Variants in ADGRL2 observed in about 807,000 individuals in gnomAD.
ADGRL2 encodes the protein calcium-independent alpha-latrotoxin receptor 2.
Under a neutral mutation model 157.4 loss-of-function variants are expected in ADGRL2, and 44 were observed. The ratio of observed to expected loss-of-function variants is 0.28; its 90% CI spans 0.22 to 0.36. ADGRL2 has a LOEUF of 0.36. Ranked by LOEUF, ADGRL2 falls within the 10% of genes least tolerant of loss-of-function variation. ADGRL2 has a pLI of 1.00. For synonymous variants in ADGRL2, 585 were observed against 624.7 expected, an observed-to-expected ratio of 0.94 and a Z score of 0.95; for missense variants, 1,510 against 1,768.9, an observed-to-expected ratio of 0.85 and a Z score of 2.63.
chr1:81,447,761 G>A (rs548206025), intron 2 of ADGRL2, among the ~76,000 whole-genome samples: 223 of 152,230 alleles, frequency 1.5e-3, no homozygotes, highest in African/African-American at 5.1e-3. Flanking sequence ...TTACATGTAT[G>A]CGTATGCCTC....
chr1:81,914,973 AAGAC>A (rs1295729333), intron 3 of ADGRL2, among the ~76,000 whole-genome samples: 5 of 152,240 alleles, frequency 3.3e-5, no homozygotes, highest in Non-Finnish European at 1.5e-5. Flanking sequence ...GTGTGCAAGA[AAGAC>A]TAATAAATTT....
intron 3 of ADGRL2, among the ~76,000 whole-genome samples, chr1:81,929,976 A>G (rs1198445730): frequency 6.6e-6 from 1 of 152,158 alleles, no homozygotes; most frequent in Non-Finnish European, 1.5e-5. Context: ...GGTTTAATAC[A>G]TTGCTTATGG....
At chr1:81,624,187 T>C (rs1461929271) in intron 3 of ADGRL2, among the ~76,000 whole-genome samples, 1 of 152,124 alleles carries the variant, frequency 6.6e-6, no homozygotes, top group African/African-American at 2.4e-5. Context: ...GAGAATACAT[T>C]TCTGTTGTTT....
intron 1 of ADGRL2, among the ~76,000 whole-genome samples, chr1:81,428,112 C>T (rs557165428): frequency 2.0e-5 from 3 of 152,128 alleles, no homozygotes; most frequent in African/African-American, 7.2e-5. Flanking sequence ...ATGAATTTTG[C>T]TAAAGTTAAC....
At chr1:81,834,115 A>G (rs1257865082) in intron 1 of ADGRL2, among the ~76,000 whole-genome samples, 1 of 152,134 alleles carries the variant, frequency 6.6e-6, no homozygotes, top group Non-Finnish European at 1.5e-5. Context: ...TTACTAAGAA[A>G]TGAACTATTA....
intron 1 of ADGRL2, among the ~76,000 whole-genome samples, chr1:81,366,337 T>C (rs2076066373): frequency 6.6e-6 from 1 of 152,070 alleles, no homozygotes. Context: ...ATATGTTCTT[T>C]TAAAAAGACT....
At chr1:81,937,032 G>C (rs2095320991) in intron 4 of ADGRL2, among the ~76,000 whole-genome samples, 195 bp downstream of exon 4, 1 of 151,916 alleles carries the variant, frequency 6.6e-6, no homozygotes, top group South Asian at 2.1e-4. Flanking sequence ...CCAAGTGTCT[G>C]TCTGTGTTCT....
At chr1:81,744,847 T>A (rs1414298303) in intron 1 of ADGRL2, among the ~76,000 whole-genome samples, 1 of 152,212 alleles carries the variant, frequency 6.6e-6, no homozygotes, top group Non-Finnish European at 1.5e-5. Context: ...AATAAGCTCA[T>A]ATGAAATTAT....
intron 2 of ADGRL2, chr1:81,579,203 A>G (rs1458555247): frequency 6.6e-6 from 1 of 152,164 alleles, no homozygotes; most frequent in East Asian, 1.9e-4. Flanking sequence ...GCAATGCAAA[A>G]GGAACTCTAT....
intron 1 of ADGRL2, among the ~76,000 whole-genome samples, chr1:81,388,559 G>A (rs1265750070): frequency 6.6e-6 from 1 of 152,094 alleles, no homozygotes; most frequent in East Asian, 1.9e-4. Context: ...CTAACTTCAA[G>A]GTGATGAATT....
At chr1:81,908,222 T>C (rs1224524894) in intron 3 of ADGRL2, among the ~76,000 whole-genome samples, 1 of 152,208 alleles carries the variant, frequency 6.6e-6, no homozygotes, top group Non-Finnish European at 1.5e-5. Context: ...CCTGTAATGA[T>C]AAAATAGGCT....
chr1:81,395,419 G>A (rs571369639), intron 1 of ADGRL2, among the ~76,000 whole-genome samples: 11 of 152,128 alleles, frequency 7.2e-5, no homozygotes, highest in East Asian at 1.9e-4. Flanking sequence ...TTAGTTGTTC[G>A]AGATCCTTGC....
intron 1 of ADGRL2, among the ~76,000 whole-genome samples, chr1:81,817,415 T>C (rs1276704787): frequency 6.6e-6 from 1 of 152,012 alleles, no homozygotes; most frequent in African/African-American, 2.4e-5. Context: ...TCACAAGAGA[T>C]CATGAATTTG....
intron 1 of ADGRL2, among the ~76,000 whole-genome samples, chr1:81,377,918 C>T (rs2076278047): frequency 1.3e-5 from 2 of 152,162 alleles, no homozygotes; most frequent in African/African-American, 4.8e-5. Flanking sequence ...CGGTGGCTCA[C>T]ACCTGTAATC....
chr1:81,985,236 G>T, intron 20 of ADGRL2, 23 bp from the exon 21 acceptor site: 1 of 1,342,204 alleles, frequency 7.5e-7, no homozygotes, highest in Non-Finnish European at 1.1e-6. Context: ...AAACATATTT[G>T]TCTTGCTGTT....
chr1:81,671,178 G>T (rs138890790), intron 3 of ADGRL2, among the ~76,000 whole-genome samples: 11 of 152,232 alleles, frequency 7.2e-5, no homozygotes, highest in South Asian at 4.1e-4. Flanking sequence ...TCTCTCCCCT[G>T]TTCCTCACCC....
chr1:81,434,027 C>A (rs942147688), intron 1 of ADGRL2, among the ~76,000 whole-genome samples: 1 of 152,186 alleles, frequency 6.6e-6, no homozygotes, highest in African/African-American at 2.4e-5. Context: ...TCCAAAAGAA[C>A]AAGGCAATGT....
intron 3 of ADGRL2, among the ~76,000 whole-genome samples, chr1:81,650,526 A>G (rs751649273): frequency 1.3e-5 from 2 of 150,366 alleles, no homozygotes; most frequent in Non-Finnish European, 3.0e-5. Context: ...CAGTGAGCTG[A>G]GATCGTGCCA....
At chr1:81,970,000 CAG>C (rs1043067290) in intron 15 of ADGRL2, among the ~76,000 whole-genome samples, 10 of 78,096 alleles carry the variant, frequency 1.3e-4, no homozygotes, top group South Asian at 5.1e-4. Context: ...GATTTCATAA[CAG>C]ATAATTCACA....
Sources: allele counts gnomAD v4.1 joint callset (sites outside exome capture counted in the v4.1 genomes callset), GRCh38; gene constraint gnomAD v4.1.1; transcripts MANE v1.5; gene names NCBI Gene and HGNC (gene_info 2026-07-23, HGNC 2026-07-21).